Variants in FCAMR observed in about 807,000 individuals in gnomAD.
The protein encoded by FCAMR is Fc alpha and mu receptor.
FCAMR carries 51 observed loss-of-function variants against 52.2 expected under a neutral mutation model. That is an observed-to-expected ratio of 0.98 (90% confidence interval 0.78 to 1.23). The LOEUF (loss-of-function observed/expected upper bound fraction) is 1.23. Ranked by LOEUF, FCAMR falls within the 50% of genes most tolerant of loss-of-function variation. The pLI, the probability that FCAMR is intolerant of heterozygous loss-of-function variation, is 0.00. For missense variants in FCAMR, 719 were observed against 712.6 expected (o/e 1.01, Z -0.10); for synonymous variants, 282 against 262.0 (o/e 1.08, Z -0.74).
rs1352500770 is a variant in FCAMR at position 206,965,575 on chromosome 1, T to C, written c.313+140A>G. On this transcript the variant is annotated intron_variant, in intron 4 of 7. Coordinates refer to ENST00000324852, the MANE Select transcript of FCAMR (RefSeq NM_001170631.2). ...TGCCCTGGCTCTCATCCCCTCATTG[T>C]TACTCAGCAATTGTCTATTGCTATG... 4.7e-6 allele frequency: 5 copies of C among 1,067,740 alleles called. No individual in the cohort carries two copies. In the African/African-American group the frequency reaches 6.6e-5, roughly 14 times the overall value. The allele number at this position is 1,067,740 out of a possible 1,614,324, so 66.1% of individuals were successfully genotyped here.
chr1:206,963,087 A>G (rs1680574022), intron 4 of FCAMR, among the ~76,000 whole-genome samples: 1 of 152,236 alleles, frequency 6.6e-6, no homozygotes, highest in Non-Finnish European at 1.5e-5. Flanking sequence ...GGAATGTAAA[A>G]GACAGATGCT....
chr1:206,962,478 A>C lies in FCAMR; in HGVS notation c.387T>G (p.Tyr129Ter), dbSNP rs1388495977. 6.2e-7 allele frequency: 1 copy of C among 1,611,966 alleles called. No homozygotes were observed. The highest frequency in any genetic ancestry group is 8.5e-7 in the Non-Finnish European group (1 of 1,178,138). ...PGGAVTIQCH[Y>*]APSSVNRHQR... ...GGTGCCTGTTGACAGATGAGGGGGC[A>C]TAATGGCACTGGATGGTGACAGCTC... is the stretch of plus-strand genomic sequence containing the variant. Residue 129 changes from tyrosine (Y) to a stop codon, truncating the protein, a stop_gained, in exon 5 of 8, where the codon TAT (tyrosine) becomes TAG (stop). Coordinates refer to ENST00000324852, the MANE Select transcript of FCAMR (RefSeq NM_001170631.2). LOFTEE classifies it high-confidence loss of function.
At position 206,959,783 on chromosome 1, in the gene FCAMR, T is replaced by C; in HGVS notation, c.1469A>G (p.Asp490Gly). The C allele has an allele frequency of 6.2e-7, 1 of 1,614,042 alleles. No individual in the cohort carries two copies. The highest frequency in any genetic ancestry group is 8.5e-7 in the Non-Finnish European group (1 of 1,179,948). ...ESSVKRTFPE[D>G]ESSSRTLAPV... ...AGCCAGGGTCCGAGAGCTGCTTTCATCTTCTGGAAAAGTACTACAGTGGGG... is the reference window on the plus strand; with the variant it reads ...AGCCAGGGTCCGAGAGCTGCTTTCACCTTCTGGAAAAGTACTACAGTGGGG... The change falls in exon 7 of 8, where the codon GAT (aspartate) becomes GGT (glycine). Residue 490 changes from aspartate (D) to glycine (G), a missense_variant. By Grantham distance (94) the Asp-to-Gly change is moderately conservative. Coordinates refer to ENST00000324852, the MANE Select transcript of FCAMR (RefSeq NM_001170631.2).
At position 206,970,152 on chromosome 1, in the gene FCAMR, G is replaced by A; in HGVS notation, c.-27C>T. The stretch of plus-strand genomic sequence containing the variant: ...TCAGTCCAGAAACAAGATCCAGGTG[G>A]ACTTTTCTTCTCCTTATGAGATGCA... On this transcript the variant is annotated 5_prime_UTR_variant, in exon 1 of 8. Coordinates refer to ENST00000324852, the MANE Select transcript of FCAMR (RefSeq NM_001170631.2). 1 of 1,613,684 alleles carries A rather than the reference G, an allele frequency of 6.2e-7. No individual in the cohort carries two copies.
chr1:206,960,754 T>C lies in FCAMR; in HGVS notation c.1122A>G (p.Gly374=). The part of the protein sequence containing the change: ...IALDAAKKVL[G]TIGPPALVSE... ...AGACCAGAGCTGGTGGCCCAATGGT[T>C]CCTAGGACCTTTTTGGCTGCATCAA... Residue 374 remains glycine, a synonymous_variant, in exon 6 of 8, where the codon GGA becomes GGG. Transcript: ENST00000324852. The C allele has an allele frequency of 6.4e-7, 1 of 1,552,364 alleles. No homozygotes were observed. The highest frequency in any genetic ancestry group is 8.7e-7 in the Non-Finnish European group (1 of 1,147,138).
At chr1:206,961,332 T>A in intron 5 of FCAMR, 109 bp from the exon 6 acceptor site, 2 of 818,486 alleles carry the variant, frequency 2.4e-6, no homozygotes, top group African/African-American at 1.7e-5. Flanking sequence ...GCAACCTCAC[T>A]AAGAGTTGCA....
chr1:206,967,161 G>C, intron 2 of FCAMR, 49 bp from the exon 3 acceptor site: 3 of 1,589,038 alleles, frequency 1.9e-6, no homozygotes, highest in Non-Finnish European at 1.7e-6. Flanking sequence ...AGCTGGGTGA[G>C]GGTGGTGGGA....
chr1:206,962,232 C>T lies in FCAMR; in HGVS notation c.633G>A (p.Met211Ile), dbSNP rs1486566266. 6.2e-7 allele frequency: 1 copy of T among 1,614,150 alleles called. No homozygotes were observed. Among genetic ancestry groups the T allele is most frequent in the East Asian group, 2.2e-5 (1 of 44,884 alleles). ...GSENNMLFLS[M>I]NLTISAGPAS... ...TCATACCTGCAGAGATGGTCAGATT[C>T]ATGCTTAAGAACAGCATGTTGTTTT... Residue 211 changes from methionine to isoleucine, a missense_variant, in exon 5 of 8, where the codon ATG becomes ATA. Physicochemically the swap from Met to Ile is conservative, Grantham distance 10. Coordinates refer to ENST00000324852, the MANE Select transcript of FCAMR (RefSeq NM_001170631.2).
chr1:206,967,827 C>T (rs1316502683), intron 1 of FCAMR, among the ~76,000 whole-genome samples, 176 bp from the exon 2 acceptor site: 3 of 152,240 alleles, frequency 2.0e-5, no homozygotes, highest in Admixed American at 6.5e-5. Flanking sequence ...GTCCCCCCAT[C>T]CACACTGACC....
intron 6 of FCAMR, 92 bp from the exon 7 acceptor site, chr1:206,959,889 TG>T: frequency 9.2e-7 from 1 of 1,091,106 alleles, no homozygotes. Context: ...CTTTACAGAT[TG>T]GGGAGCTGAG....
Position 206,965,849 on chromosome 1 carries a change from AAAG to A in FCAMR, c.176_178del (p.Ser59del). Reference sequence around the variant, plus strand: ...ATGGGGTCTTTTTTGTGGAAGGGCGAAAGAAGAACCTGCAGCAAAGGAAGGAGA... The same window carrying A: ...ATGGGGTCTTTTTTGTGGAAGGGCGAAAGAACCTGCAGCAAAGGAAGGAGA... On this transcript the variant is annotated inframe_deletion, in exon 4 of 8. Coordinates refer to ENST00000324852, the MANE Select transcript of FCAMR (RefSeq NM_001170631.2). 1.9e-6 allele frequency: 3 copies of A among 1,608,236 alleles called. No homozygotes were observed. The highest frequency in any genetic ancestry group is 2.5e-6 in the Non-Finnish European group (3 of 1,177,390).
intron 1 of FCAMR, 22 bp downstream of exon 1, chr1:206,970,065 C>T: frequency 6.2e-7 from 1 of 1,614,042 alleles, no homozygotes; most frequent in South Asian, 1.1e-5. Flanking sequence ...ATCCCAACCT[C>T]CAGGAGAAAG....
At position 206,958,601 on chromosome 1, in the gene FCAMR, G is replaced by A; in HGVS notation, c.1649C>T (p.Pro550Leu). 6.2e-7 allele frequency: 1 copy of A among 1,613,880 alleles called. No homozygotes were observed. Among genetic ancestry groups the A allele is most frequent in the Non-Finnish European group, 8.5e-7 (1 of 1,180,010 alleles). Reference protein sequence around the residue: ...LEVNPQADQLPHVERKMLQDD... With the variant: ...LEVNPQADQLLHVERKMLQDD... ...CTGGAGCATCTTTCTTTCCACATGG[G>A]GCAGCTGGTCTGCTTGGGGGTTCAC... Residue 550 changes from proline to leucine, a missense_variant, in exon 8 of 8, where the codon CCC becomes CTC. Physicochemically the swap from Pro to Leu is moderately conservative, Grantham distance 98 (BLOSUM62 -3). Transcript: ENST00000324852.
intron 6 of FCAMR, 153 bp downstream of exon 6, chr1:206,960,269 G>T (rs1558022972): frequency 5.5e-6 from 4 of 725,548 alleles, no homozygotes; most frequent in Non-Finnish European, 9.0e-6. Flanking sequence ...CTCACAGCAA[G>T]GCCCCTTGGG....
intron 4 of FCAMR, 138 bp downstream of exon 4, chr1:206,965,577 A>AAC (rs1408221320): frequency 9.4e-7 from 1 of 1,065,014 alleles, no homozygotes; most frequent in Admixed American, 3.5e-5. Flanking sequence ...CCTCATTGTT[A>AAC]CTCAGCAATT....
At position 206,965,787 on chromosome 1, in the gene FCAMR, T is replaced by A; in HGVS notation, c.241A>T (p.Thr81Ser). 1.3e-6 allele frequency: 2 copies of A among 1,591,766 alleles called. No homozygotes were observed. Among genetic ancestry groups the A allele is most frequent in the Non-Finnish European group, 1.7e-6 (2 of 1,171,768 alleles). ...WLWEGSLPSRTHLRAMGTLRP... is the reference protein window; with the variant it reads ...WLWEGSLPSRSHLRAMGTLRP... ...AGTGTTCCCATGGCCCGGAGATGGG[T>A]CCTGGAGGGGAGAGAGCCCTCCCAC... is the stretch of plus-strand genomic sequence containing the variant. The change falls in exon 4 of 8, where the codon ACC becomes TCC. Residue 81 changes from threonine (T) to serine (S), a missense_variant. By Grantham distance (58) the Thr-to-Ser change is moderately conservative (BLOSUM62 1). Transcript: ENST00000324852.
In FCAMR at chr1:206,958,577, T is replaced by C. The variant is rs575799213; in HGVS notation, c.1673A>G (p.Gln558Arg). The change falls in exon 8 of 8, where the codon CAG becomes CGG. Residue 558 changes from glutamine to arginine, a missense_variant. Gln to Arg is a conservative substitution (Grantham distance 43, BLOSUM62 1). Coordinates refer to ENST00000324852, the MANE Select transcript of FCAMR (RefSeq NM_001170631.2). ...QLPHVERKML[Q>R]DDSLPAGASL... ...GGCCCCAGCAGGAAGAGAGTCATCC[T>C]GGAGCATCTTTCTTTCCACATGGGG... 6.2e-7 allele frequency: 1 copy of C among 1,613,794 alleles called. No homozygotes were observed. Among genetic ancestry groups the C allele is most frequent in the African/African-American group, 1.3e-5 (1 of 75,060 alleles).
chr1:206,967,690 T>C (rs1280417978), intron 1 of FCAMR, 39 bp from the exon 2 acceptor site: 4 of 1,599,050 alleles, frequency 2.5e-6, no homozygotes, highest in Non-Finnish European at 3.4e-6. Context: ...CAAGGGAAGA[T>C]TTCTGTTTCA....
chr1:206,958,241 T>C lies in FCAMR; in HGVS notation c.*275A>G, dbSNP rs1424613249. On this transcript the variant is annotated 3_prime_UTR_variant, in exon 8 of 8. Transcript: ENST00000324852. ...TCTTCTATTTTCAAACATTCAGGAA[T>C]GGAAATTTCATGCTTTTCCTAGGTG... 8.6e-6 allele frequency: 3 copies of C among 348,770 alleles called. No individual in the cohort carries two copies. Among genetic ancestry groups the C allele is most frequent in the African/African-American group, 6.3e-5 (3 of 47,464 alleles). The allele number at this position is 348,770 out of a possible 1,614,324, so 21.6% of individuals were successfully genotyped here. A position where few individuals can be genotyped will look rare whatever the true frequency, so the allele number is the denominator to read the frequency against.
Sources: gnomAD v4.1 joint callset for allele counts (sites outside exome capture counted in the v4.1 genomes callset) on GRCh38, gnomAD v4.1.1 for gene constraint, MANE v1.5 for transcripts, NCBI Gene and HGNC (gene_info 2026-07-23, HGNC 2026-07-21) for gene names.